Variants in CHD1 observed in about 807,000 individuals in gnomAD.
The protein encoded by CHD1 is ATP-dependent chromatin remodeler CHD1.
A neutral mutation model predicts 224.2 loss-of-function variants in CHD1; 36 were observed. That is an observed-to-expected ratio of 0.16 (90% CI 0.12 to 0.21). The LOEUF is 0.21. CHD1 is among the 10% of genes least tolerant of loss of function. The probability of loss-of-function intolerance (pLI) is 1.00; values close to 1 mark genes in which losing one functional copy is unlikely to be tolerated. For missense variants in CHD1, 1,378 were observed against 1,994.8 expected, an observed-to-expected ratio of 0.69 and a Z score of 5.89; for synonymous variants, 668 against 658.3, an observed-to-expected ratio of 1.01 and a Z score of -0.23.
chr5:98,889,241 TAAA>T lies in CHD1; in HGVS notation c.2181-6_2181-4del. ...TGTAATTCCTAGTTAAAATCCATCT[TAAA>T]AAAAAAAATTATGAAAACGATGTTT... On this transcript the variant is annotated splice_region_variant and splice_polypyrimidine_tract_variant and intron_variant, in intron 15 of 35. Transcript: ENST00000614616. 7.5e-7 allele frequency: 1 copy of T among 1,328,100 alleles called. No homozygotes were observed. Among genetic ancestry groups the T allele is most frequent in the Non-Finnish European group, 1.0e-6 (1 of 988,386 alleles). 82.3% of individuals were successfully genotyped at this position (1,328,100 alleles called of 1,614,324 possible).
Position 98,876,399 on chromosome 5 carries a change from G to A in CHD1, c.3397C>T (p.Arg1133Trp). The A allele has an allele frequency of 6.2e-7, 1 of 1,613,176 alleles. No homozygotes were observed. The highest frequency in any genetic ancestry group is 8.5e-7 in the Non-Finnish European group (1 of 1,179,388). Residue 1133 changes from arginine to tryptophan, a missense_variant and splice_region_variant, in exon 24 of 36, where the codon CGG (arginine) becomes TGG (tryptophan). This residue lies in a region of CHD1 where 286 missense variants were observed against 445.1 expected (regional missense o/e 0.64). Coordinates refer to ENST00000614616, the MANE Select transcript of CHD1 (RefSeq NM_001270.4). The stretch of plus-strand genomic sequence containing the variant: ...AGCGATTGTCTTATAACACCTTACC[G>A]CCTAATTTCTGCATCACTAAATCCT... ...IKGFSDAEIR[R>W]FIKSYKKFGG...
At chr5:98,911,146 A>AAAAAT (rs1491111295) in intron 2 of CHD1, among the ~76,000 whole-genome samples, 7 of 39,130 alleles carry the variant, frequency 1.8e-4, no homozygotes, top group East Asian at 6.8e-4. Context: ...AAAAAAAAAA[A>AAAAAT]ATATATATAT....
intron 25 of CHD1, among the ~76,000 whole-genome samples, chr5:98,874,667 G>A (rs533328361): frequency 3.4e-4 from 51 of 150,886 alleles, no homozygotes; most frequent in African/African-American, 1.2e-3. Flanking sequence ...AGCCAAGATC[G>A]CGCCACTGCA....
chr5:98,885,509 GAATAT>G (rs540370682), intron 18 of CHD1, 64 bp downstream of exon 18: 67 of 961,400 alleles, frequency 7.0e-5, no homozygotes, highest in Admixed American at 2.6e-4. Flanking sequence ...AAAAATGTCT[GAATAT>G]AATAATGTAA....
At chr5:98,885,470 CT>C (rs112846305) in intron 18 of CHD1, 107 bp downstream of exon 18, 3 of 761,490 alleles carry the variant, frequency 3.9e-6, no homozygotes, top group Admixed American at 2.9e-5. Context: ...TAACACCACT[CT>C]TTTTTTATCA....
At chr5:98,886,379 A>G (rs1055865364) in intron 17 of CHD1, 1 of 152,206 alleles carries the variant, frequency 6.6e-6, no homozygotes, top group Non-Finnish European at 1.5e-5. Flanking sequence ...TCCCTCCTTC[A>G]TAGACTATAG....
intron 24 of CHD1, among the ~76,000 whole-genome samples, chr5:98,875,569 G>C (rs1276004259): frequency 6.6e-6 from 1 of 152,156 alleles, no homozygotes; most frequent in Non-Finnish European, 1.5e-5. Context: ...AGCTACGTAA[G>C]TGGTTAATAA....
At chr5:98,927,868 G>C (rs1180849299) in intron 1 of CHD1, among the ~76,000 whole-genome samples, 1 of 152,098 alleles carries the variant, frequency 6.6e-6, no homozygotes, top group African/African-American at 2.4e-5. Flanking sequence ...ACAACCCTGA[G>C]TTCTGAAGCT....
intron 25 of CHD1, among the ~76,000 whole-genome samples, chr5:98,874,336 A>G (rs1749584098): frequency 6.6e-6 from 1 of 152,106 alleles, no homozygotes; most frequent in South Asian, 2.1e-4. Context: ...GATAACTTCA[A>G]AAAAACTATC....
intron 13 of CHD1, among the ~76,000 whole-genome samples, chr5:98,894,249 A>T (rs1446807913): frequency 1.3e-5 from 2 of 152,248 alleles, no homozygotes; most frequent in African/African-American, 4.8e-5. Context: ...TAATCCTGTT[A>T]GGTATCTTCC....
At chr5:98,901,975 C>T (rs752358924) in intron 5 of CHD1, among the ~76,000 whole-genome samples, 12 of 152,034 alleles carry the variant, frequency 7.9e-5, no homozygotes, top group Non-Finnish European at 1.3e-4. Context: ...TGCTTCATTG[C>T]TCTGTATCTT....
At chr5:98,867,170 T>C (rs567832748) in intron 31 of CHD1, among the ~76,000 whole-genome samples, 1 of 152,236 alleles carries the variant, frequency 6.6e-6, no homozygotes, top group South Asian at 2.1e-4. Flanking sequence ...ATACATTGAG[T>C]AAATTATAAA....
Position 98,902,881 on chromosome 5 carries a change from G to A in CHD1, c.437+19C>T. The A allele has an allele frequency of 2.0e-6, 3 of 1,513,262 alleles. No individual in the cohort carries two copies. Among genetic ancestry groups the A allele is most frequent in the Non-Finnish European group, 2.7e-6 (3 of 1,101,146 alleles). The allele number at this position is 1,513,262 out of a possible 1,614,324, so 93.7% of individuals were successfully genotyped here. A position where few individuals can be genotyped will look rare whatever the true frequency, so the allele number is the denominator to read the frequency against. ...GGATTTTTCTAAAATGAAGTAGTCA[G>A]TTGAACAAAATGACATACTCTTTAT... On this transcript the variant is annotated intron_variant, in intron 5 of 35. Transcript: ENST00000614616.
chr5:98,918,060 CT>C (rs11301847), intron 2 of CHD1, among the ~76,000 whole-genome samples: 45,197 of 139,634 alleles, frequency 0.32, 7,924 homozygotes, highest in African/African-American at 0.53. Flanking sequence ...CACAGAAAAA[CT>C]TTTTTTTTTT....
At chr5:98,885,146 C>G (rs1379960035) in intron 18 of CHD1, among the ~76,000 whole-genome samples, 2 of 152,124 alleles carry the variant, frequency 1.3e-5, no homozygotes, top group African/African-American at 4.8e-5. Flanking sequence ...AATCCTAGCA[C>G]TTTGGGAGGC....
chr5:98,892,769 G>GC, intron 14 of CHD1, 56 bp from the exon 15 acceptor site: 1 of 1,225,258 alleles, frequency 8.2e-7, no homozygotes, highest in Non-Finnish European at 1.1e-6. Context: ...TGTGTATGTT[G>GC]TGTATGAACT....
chr5:98,902,098 C>T lies in CHD1; in HGVS notation c.438-763G>A, dbSNP rs999674343. On this transcript the variant is annotated intron_variant, in intron 5 of 35. Coordinates refer to ENST00000614616, the MANE Select transcript of CHD1 (RefSeq NM_001270.4). ...TTTTTACTTTGAGATCTTTTCAGGG[C>T]TTGCACACCGAAAAAAAGTTTCCGT... Among the ~76,000 whole-genome samples, 3 of 151,786 alleles carry T rather than the reference C, an allele frequency of 2.0e-5. No homozygotes were observed. In the South Asian group the frequency reaches 6.2e-4, roughly 32 times the overall value.
chr5:98,859,958 G>A lies in CHD1; in HGVS notation c.4524+14C>T, dbSNP rs1259077377. Reference sequence around the variant, plus strand: ...TTATATAAATTCAGGGAAAAAATATGATGTCAAGTTTACCTGAGACTCCTG... The same window carrying A: ...TTATATAAATTCAGGGAAAAAATATAATGTCAAGTTTACCTGAGACTCCTG... On this transcript the variant is annotated intron_variant, in intron 33 of 35. Transcript: ENST00000614616. 4 of 1,299,358 alleles carry A rather than the reference G, an allele frequency of 3.1e-6. No individual in the cohort carries two copies. Among genetic ancestry groups the A allele is most frequent in the Non-Finnish European group, 4.2e-6 (4 of 943,216 alleles). The allele number at this position is 1,299,358 out of a possible 1,614,324, so 80.5% of individuals were successfully genotyped here. A position where few individuals can be genotyped will look rare whatever the true frequency, so the allele number is the denominator to read the frequency against.
chr5:98,906,915 T>C (rs1013197558), intron 2 of CHD1, among the ~76,000 whole-genome samples: 1 of 152,198 alleles, frequency 6.6e-6, no homozygotes, highest in Admixed American at 6.5e-5. Context: ...ACAATGGATA[T>C]TTATGAAACT....
Sources: gnomAD v4.1 joint callset for allele counts (sites outside exome capture counted in the v4.1 genomes callset) on GRCh38, gnomAD v4.1.1 for gene constraint, gnomAD v4.1.1 regional missense constraint, MANE v1.5 for transcripts, NCBI Gene and HGNC (gene_info 2026-07-23, HGNC 2026-07-21) for gene names.